The following EPB41L4A variants were observed in gnomAD, a reference collection of about 807,000 sequenced individuals.
EPB41L4A encodes band 4.1-like protein 4A.
A neutral mutation model predicts 108.6 loss-of-function variants in EPB41L4A; 100 were observed. That is an observed-to-expected ratio of 0.92 (90% confidence interval 0.78 to 1.09). The LOEUF is 1.09. Ranked by LOEUF, EPB41L4A falls within the 50% of genes least tolerant of loss-of-function variation. EPB41L4A has a pLI of 0.00. For synonymous variants in EPB41L4A, 319 were observed against 289.0 expected, an observed-to-expected ratio of 1.10 and a Z score of -1.05; for missense variants, 1,030 against 842.7, an observed-to-expected ratio of 1.22 and a Z score of -2.75.
intron 13 of EPB41L4A, among the ~76,000 whole-genome samples, chr5:112,209,487 C>CA (rs756360923): frequency 2.6e-5 from 4 of 152,254 alleles, no homozygotes; most frequent in Non-Finnish European, 5.9e-5. Flanking sequence ...CATAAACCCT[C>CA]TTTCCAGGGC....
At chr5:112,352,619 T>A (rs553612544) in intron 1 of EPB41L4A, among the ~76,000 whole-genome samples, 1 of 152,366 alleles carries the variant, frequency 6.6e-6, no homozygotes, top group East Asian at 1.9e-4. Flanking sequence ...TGTGAGAATT[T>A]ATTCCTGTTG....
chr5:112,150,127 G>A lies in EPB41L4A; in HGVS notation n.995-4129C>T, dbSNP rs75271216. 5.3e-4 allele frequency among the ~76,000 whole-genome samples: 81 copies of A among 152,224 alleles called. 1 individual carries two copies. The highest frequency in any genetic ancestry group is 1.9e-3 in the African/African-American group (80 of 41,524). On this transcript the variant is annotated intron_variant and non_coding_transcript_variant, in intron 12 of 13. Coordinates refer to the EPB41L4A transcript ENST00000507810. Reference sequence around the variant, plus strand: ...ACACCAGCCCTCCCTCATGTAGGATGGGGTAAGAATTTACACTTATGTGTA... The same window carrying A: ...ACACCAGCCCTCCCTCATGTAGGATAGGGTAAGAATTTACACTTATGTGTA...
At chr5:112,388,669 G>C (rs1760727779) in intron 1 of EPB41L4A, among the ~76,000 whole-genome samples, 1 of 152,182 alleles carries the variant, frequency 6.6e-6, no homozygotes, top group Non-Finnish European at 1.5e-5. Context: ...CTTTGCAGTG[G>C]ACAGCTATCT....
At chr5:112,265,290 A>C (rs1170308291) in intron 5 of EPB41L4A, among the ~76,000 whole-genome samples, 4 of 152,238 alleles carry the variant, frequency 2.6e-5, no homozygotes, top group Non-Finnish European at 5.9e-5. Context: ...TTAACAACGT[A>C]TGTGAAGTAA....
chr5:112,402,055 C>T lies in EPB41L4A; in HGVS notation c.99+16886G>A, dbSNP rs1012364787. Among the ~76,000 whole-genome samples, 13 of 152,188 alleles carry T rather than the reference C, an allele frequency of 8.5e-5. No homozygotes were observed. In the South Asian group the frequency reaches 1.5e-3, roughly 17 times the overall value. ...CCAGTGATGTGGTTTGGATTTGCGT[C>T]CCCGCCCAAATCTCACCTTGAACTG... On this transcript the variant is annotated intron_variant, in intron 1 of 22. Coordinates refer to ENST00000261486, the MANE Select transcript of EPB41L4A (RefSeq NM_022140.5).
intron 1 of EPB41L4A, among the ~76,000 whole-genome samples, chr5:112,414,597 A>C (rs1193621341): frequency 1.3e-5 from 2 of 152,224 alleles, no homozygotes; most frequent in Non-Finnish European, 2.9e-5. Context: ...CAGTAACTGG[A>C]CTGCAAAAAG....
intron 1 of EPB41L4A, among the ~76,000 whole-genome samples, chr5:112,314,843 C>T (rs1035086490): frequency 6.6e-6 from 1 of 152,070 alleles, no homozygotes; most frequent in African/African-American, 2.4e-5. Context: ...TTCCAGTTTT[C>T]TTCTGACCAT....
intron 1 of EPB41L4A, among the ~76,000 whole-genome samples, chr5:112,341,324 C>A (rs1053154217): frequency 1.4e-4 from 21 of 152,152 alleles, no homozygotes; most frequent in African/African-American, 5.1e-4. Context: ...AAAACTGATA[C>A]AAATGTTTCT....
At chr5:112,229,354 A>C (rs991466142) in intron 12 of EPB41L4A, among the ~76,000 whole-genome samples, 1 of 152,036 alleles carries the variant, frequency 6.6e-6, no homozygotes, top group African/African-American at 2.4e-5. Flanking sequence ...TTCGTGAAAA[A>C]CGTTTGCCTA....
chr5:112,153,524 GTC>G (rs1759545105), intron 12 of EPB41L4A, among the ~76,000 whole-genome samples: 1 of 145,658 alleles, frequency 6.9e-6, no homozygotes, highest in Admixed American at 6.9e-5. Flanking sequence ...GCAAGACTCT[GTC>G]TCAAAAAAAA....
intron 2 of EPB41L4A, among the ~76,000 whole-genome samples, chr5:112,284,533 C>T (rs1753159772): frequency 1.3e-5 from 2 of 152,288 alleles, no homozygotes; most frequent in South Asian, 4.2e-4. Context: ...CCCTTCCCCA[C>T]TCCCCTCTCT....
chr5:112,258,835 GTTGT>G lies in EPB41L4A; in HGVS notation c.795+390_795+393del, dbSNP rs1241790885. 2.0e-5 allele frequency among the ~76,000 whole-genome samples: 3 copies of G among 152,240 alleles called. No individual in the cohort carries two copies. In the East Asian group the frequency reaches 5.8e-4, roughly 29 times the overall value. On this transcript the variant is annotated intron_variant, in intron 9 of 22. Transcript: ENST00000261486. ...AGAGCAGAAGTAAGACTCCCAAAAG[GTTGT>G]TTAATTTACATTAGAGCAAAATTAG...
intron 18 of EPB41L4A, among the ~76,000 whole-genome samples, chr5:112,180,649 C>T (rs1761097822): frequency 8.5e-6 from 1 of 117,546 alleles, no homozygotes; most frequent in Non-Finnish European, 1.8e-5. Context: ...GCAAATACCC[C>T]TTAAGATTAA....
In EPB41L4A at chr5:112,215,176, A is replaced by G. The variant is rs140076660; in HGVS notation, c.1088-5194T>C. On this transcript the variant is annotated intron_variant, in intron 12 of 22. Transcript: ENST00000261486. ...AAGTGTCAAAAGTAAAACAAAAACTATTAATAGATGTGGTGGTACCTGAGA... is the reference window on the plus strand; with the variant it reads ...AAGTGTCAAAAGTAAAACAAAAACTGTTAATAGATGTGGTGGTACCTGAGA... 9.2e-3 allele frequency among the ~76,000 whole-genome samples: 1,401 copies of G among 152,342 alleles called. 9 individuals carry two copies. Among genetic ancestry groups the G allele is most frequent in the Middle Eastern group, 0.017 (5 of 294 alleles).
At chr5:112,412,051 G>A (rs542192461) in intron 1 of EPB41L4A, among the ~76,000 whole-genome samples, 1 of 152,098 alleles carries the variant, frequency 6.6e-6, no homozygotes. Flanking sequence ...TACTAAATGC[G>A]CTTTCCCGAG....
At chr5:112,197,775 A>G (rs1165454482) in intron 15 of EPB41L4A, among the ~76,000 whole-genome samples, 4 of 152,092 alleles carry the variant, frequency 2.6e-5, no homozygotes, top group African/African-American at 9.7e-5. Context: ...TTGCTTCTTG[A>G]TATGATGGAC....
chr5:112,236,216 C>A (rs756436992), intron 11 of EPB41L4A, among the ~76,000 whole-genome samples: 1 of 152,022 alleles, frequency 6.6e-6, no homozygotes, highest in African/African-American at 2.4e-5. Flanking sequence ...AAATCATATC[C>A]TAAGATTAAT....
intron 1 of EPB41L4A, among the ~76,000 whole-genome samples, chr5:112,313,786 C>G (rs1755204127): frequency 6.7e-6 from 1 of 150,260 alleles, no homozygotes; most frequent in African/African-American, 2.5e-5. Context: ...TAGTGATGAG[C>G]TGTTAATTTG....
chr5:112,292,827 T>C (rs920875586), intron 2 of EPB41L4A, among the ~76,000 whole-genome samples: 11 of 152,178 alleles, frequency 7.2e-5, no homozygotes, highest in Admixed American at 5.9e-4. Flanking sequence ...TTCTAATGTC[T>C]AAAATCATTA....
Sources: allele counts gnomAD v4.1 joint callset (sites outside exome capture counted in the v4.1 genomes callset), GRCh38; gene constraint gnomAD v4.1.1; transcripts MANE v1.5; gene names NCBI Gene and HGNC (gene_info 2026-07-23, HGNC 2026-07-21).